GALNT13: variants seen among roughly 807,000 people sequenced by gnomAD.
GALNT13 encodes the protein UDP-GalNAc:polypeptide N-acetylgalactosaminyltransferase 13.
A neutral mutation model predicts 64.2 loss-of-function variants in GALNT13; 28 were observed. That is an observed-to-expected ratio of 0.44 (90% CI 0.32 to 0.60). GALNT13 has a LOEUF of 0.60. Ranked by LOEUF, GALNT13 falls within the 20% of genes least tolerant of loss-of-function variation. The pLI is 0.05. For synonymous variants in GALNT13, 214 were observed against 224.6 expected, an observed-to-expected ratio of 0.95 and a Z score of 0.42; for missense variants, 577 against 669.8, an observed-to-expected ratio of 0.86 and a Z score of 1.53.
At chr2:154,140,649 G>T in intron 4 of GALNT13, 144 bp downstream of exon 4, 1 of 491,580 alleles carries the variant, frequency 2.0e-6, no homozygotes, top group Non-Finnish European at 3.5e-6. Flanking sequence ...TATTGTGCAT[G>T]CATATGCTGA....
chr2:153,291,410 GT>G, the GALNT13 span, among the ~76,000 whole-genome samples: 1 of 152,130 alleles, frequency 6.6e-6, no homozygotes, highest in African/African-American at 2.4e-5. Context: ...GTTATCCATT[GT>G]TTTACTCATA....
intron 7 of GALNT13, among the ~76,000 whole-genome samples, chr2:154,247,639 A>G (rs1272980671): frequency 6.6e-6 from 1 of 152,088 alleles, no homozygotes; most frequent in African/African-American, 2.4e-5. Context: ...GAAATCAATC[A>G]TTATTACTCA....
the GALNT13 span, among the ~76,000 whole-genome samples, chr2:153,096,676 AGTGACTCCT>A: frequency 1.3e-5 from 2 of 152,210 alleles, no homozygotes; most frequent in Non-Finnish European, 2.9e-5. Context: ...ATGTAAGTAT[AGTGACTCCT>A]GTTCTTTTTT....
At position 154,044,484 on chromosome 2, in the gene GALNT13, A is replaced by G. The variant is rs147269310; in HGVS notation, c.143-95853A>G. 2.8e-4 allele frequency among the ~76,000 whole-genome samples: 43 copies of G among 152,318 alleles called. 1 individual carries two copies. The highest frequency in any genetic ancestry group is 9.4e-4 in the African/African-American group (39 of 41,598). On this transcript the variant is annotated intron_variant, in intron 3 of 12. Coordinates refer to ENST00000392825, the MANE Select transcript of GALNT13 (RefSeq NM_052917.4). ...GTAGCTATGGTAGAGGCTGACCACT[A>G]CTAAAGGAGCTAGGTCATTATAGGC...
At chr2:153,526,992 G>A in the GALNT13 span, among the ~76,000 whole-genome samples, 1 of 151,928 alleles carries the variant, frequency 6.6e-6, no homozygotes, top group African/African-American at 2.4e-5. Context: ...ACAGTCTGAG[G>A]AGACAAAAGC....
the GALNT13 span, among the ~76,000 whole-genome samples, chr2:153,524,548 A>G: frequency 1.9e-4 from 29 of 151,840 alleles, no homozygotes; most frequent in African/African-American, 6.8e-4. Flanking sequence ...CACCTCCCCC[A>G]TCTCCCTGCA....
chr2:154,079,865 A>T (rs1031272046), intron 3 of GALNT13, among the ~76,000 whole-genome samples: 7 of 151,748 alleles, frequency 4.6e-5, no homozygotes, highest in Non-Finnish European at 8.9e-5. Flanking sequence ...AAGTAAAATT[A>T]AATTACTTTG....
chr2:154,328,667 T>C (rs1695005600), intron 9 of GALNT13, among the ~76,000 whole-genome samples: 1 of 152,110 alleles, frequency 6.6e-6, no homozygotes, highest in African/African-American at 2.4e-5. Context: ...TTCCACGGCA[T>C]ATACCTACAG....
rs1008301024 is a variant in GALNT13 at position 154,192,261 on chromosome 2, G to A, written c.312-49769G>A. On this transcript the variant is annotated intron_variant, in intron 4 of 12. Transcript: ENST00000392825. ...TGTCCAGCCGCTTGTGTGCCTGCCCGCTAGGGTCTCGGGGTTTTTATAGGC... is the reference window on the plus strand; with the variant it reads ...TGTCCAGCCGCTTGTGTGCCTGCCCACTAGGGTCTCGGGGTTTTTATAGGC... Among the ~76,000 whole-genome samples, 8 of 152,130 alleles carry A rather than the reference G, an allele frequency of 5.3e-5. No individual in the cohort carries two copies. In the East Asian group the frequency reaches 9.7e-4, roughly 18 times the overall value.
At chr2:153,980,129 A>T (rs1406311932) in intron 3 of GALNT13, among the ~76,000 whole-genome samples, 1 of 152,168 alleles carries the variant, frequency 6.6e-6, no homozygotes, top group African/African-American at 2.4e-5. Flanking sequence ...AATTAACAGT[A>T]TTTTGGAGAC....
At position 153,898,875 on chromosome 2, in the gene GALNT13, ATG is replaced by A. The variant is rs1157862870; in HGVS notation, c.-176-2060_-176-2059del. Among the ~76,000 whole-genome samples, 189 of 145,798 alleles carry A rather than the reference ATG, an allele frequency of 1.3e-3. 1 individual carries two copies. Among genetic ancestry groups the A allele is most frequent in the African/African-American group, 4.6e-3 (181 of 39,626 alleles). The stretch of plus-strand genomic sequence containing the variant: ...GCACAGCAAAAAAAAAAAAAAAAAA[ATG>A]ATGGCAATTCTTAATAAAGGAGGGC... On this transcript the variant is annotated intron_variant, in intron 1 of 12. Transcript: ENST00000392825.
the GALNT13 span, among the ~76,000 whole-genome samples, chr2:153,090,341 G>A: frequency 6.6e-5 from 10 of 152,320 alleles, no homozygotes; most frequent in African/African-American, 2.2e-4. Flanking sequence ...ATCTGCTCTG[G>A]TGGAGGTGGC....
the GALNT13 span, among the ~76,000 whole-genome samples, chr2:153,583,961 G>A: frequency 0.013 from 1,906 of 152,260 alleles, 37 homozygotes; most frequent in African/African-American, 0.043. Context: ...ATCTTTAGAC[G>A]GGGAGAAGCT....
intron 3 of GALNT13, among the ~76,000 whole-genome samples, chr2:154,051,712 T>C (rs1699631211): frequency 6.6e-6 from 1 of 152,216 alleles, no homozygotes; most frequent in African/African-American, 2.4e-5. Context: ...TTCCCATTAG[T>C]ACTACTGTTA....
At chr2:153,656,696 G>A in the GALNT13 span, among the ~76,000 whole-genome samples, 1 of 152,022 alleles carries the variant, frequency 6.6e-6, no homozygotes. Context: ...CTACCCTTTA[G>A]GGAAAAGAAA....
chr2:154,102,695 T>C (rs1324637637), intron 3 of GALNT13, among the ~76,000 whole-genome samples: 3 of 152,072 alleles, frequency 2.0e-5, no homozygotes, highest in Non-Finnish European at 2.9e-5. Context: ...AGACTAAATA[T>C]TGATTTAACA....
At chr2:153,207,661 G>A in the GALNT13 span, among the ~76,000 whole-genome samples, 1 of 152,082 alleles carries the variant, frequency 6.6e-6, no homozygotes, top group African/African-American at 2.4e-5. Context: ...TCAAAATAAT[G>A]ATTTGGTTTA....
chr2:154,224,023 A>T (rs1391474226), intron 4 of GALNT13, among the ~76,000 whole-genome samples: 1 of 152,110 alleles, frequency 6.6e-6, no homozygotes, highest in East Asian at 1.9e-4. Flanking sequence ...GAAAAAAAGA[A>T]GTTTACATTA....
At chr2:154,238,781 A>G (rs957491880) in intron 4 of GALNT13, among the ~76,000 whole-genome samples, 1 of 152,054 alleles carries the variant, frequency 6.6e-6, no homozygotes, top group Non-Finnish European at 1.5e-5. Context: ...ACACATAAAC[A>G]TTGTGAAATG....
Sources: allele counts gnomAD v4.1 joint callset (sites outside exome capture counted in the v4.1 genomes callset), GRCh38; gene constraint gnomAD v4.1.1; transcripts MANE v1.5; gene names NCBI Gene and HGNC (gene_info 2026-07-23, HGNC 2026-07-21).